GPR146: variants seen among roughly 807,000 people sequenced by gnomAD.
GPR146 encodes the protein G-protein coupled receptor 146.
For missense variants in GPR146, 381 were observed against 213.9 expected, an observed-to-expected ratio of 1.78 and a Z score of -4.87; for synonymous variants, 203 against 104.3, an observed-to-expected ratio of 1.95 and a Z score of -5.77.
chr7:1,055,029 G>C (rs1372346287), intron 1 of GPR146, among the ~76,000 whole-genome samples: 1 of 152,096 alleles, frequency 6.6e-6, no homozygotes, highest in Non-Finnish European at 1.5e-5. Context: ...ACACGTGTCT[G>C]CCTGACCTGC....
In GPR146 at chr7:1,058,641, T is replaced by G; in HGVS notation, c.*124T>G. ...GGAAGAGAAGCAGGAGGGGTGTTTT[T>G]CTTGAAGTTTCCTTTTTCCCACAAA... On this transcript the variant is annotated 3_prime_UTR_variant, in exon 2 of 2. Transcript: ENST00000444847. 1.6e-6 allele frequency: 1 copy of G among 613,636 alleles called. No individual in the cohort carries two copies. Among genetic ancestry groups the G allele is most frequent in the Non-Finnish European group, 3.0e-6 (1 of 336,794 alleles). The allele number at this position is 613,636 out of a possible 1,614,324, so 38.0% of individuals were successfully genotyped here.
At chr7:1,055,378 G>A (rs1165391454) in intron 1 of GPR146, 5 of 470,490 alleles carry the variant, frequency 1.1e-5, no homozygotes, top group Admixed American at 2.3e-5. Flanking sequence ...GCGCAGCAGC[G>A]CGCAGGTCCT....
rs200380822 is a variant in GPR146, at chr7:1,053,531, T to G, written c.-24-3961T>G. On this transcript the variant is annotated intron_variant, in intron 1 of 1. Transcript: ENST00000444847. Reference sequence around the variant, plus strand: ...GGGTGCCCCCTGCAGCTCCCAGCCTTCAAAATGTACACCTCGCTGGGCATG... The same window carrying G: ...GGGTGCCCCCTGCAGCTCCCAGCCTGCAAAATGTACACCTCGCTGGGCATG... Among the ~76,000 whole-genome samples the G allele has an allele frequency of 3.3e-5, 5 of 152,252 alleles. No homozygotes were observed. The East Asian group carries it at 9.7e-4, about 29-fold the overall frequency.
rs372273912 is a variant in GPR146, at chr7:1,058,041, C to T, written c.526C>T (p.Leu176=). The T allele has an allele frequency of 3.5e-5, 27 of 768,808 alleles. No individual in the cohort carries two copies. The highest frequency in any genetic ancestry group is 5.5e-5 in the Non-Finnish European group (23 of 417,990). 47.6% of individuals were successfully genotyped at this position (768,808 alleles called of 1,614,324 possible). A position where few individuals can be genotyped will look rare whatever the true frequency, so the allele number is the denominator to read the frequency against. Residue 176 remains leucine (L), a synonymous_variant, in exon 2 of 2, where the codon CTA becomes TTA. Transcript: ENST00000444847. ...CTGCAGCCATGTGTCCACCCGCGCG[C>T]TAGAGTGCGCCAAGATGCAGAACGC... is the stretch of plus-strand genomic sequence containing the variant. ...YICSHVSTRA[L]ECAKMQNAEA... is the part of the protein sequence containing the mutation.
chr7:1,058,169 G>T lies in GPR146; in HGVS notation c.654G>T (p.Thr218=), dbSNP rs767465966. The change falls in exon 2 of 2, where the codon ACG becomes ACT. Residue 218 remains threonine, a synonymous_variant. Transcript: ENST00000444847. ...TCTCCCGCGTCCGCAGGGAGGACAC[G>T]CCCCTGGACCGGGACACGGGCCGGC... ...VLLSRVRRED[T]PLDRDTGRLE... 6.2e-5 allele frequency: 46 copies of T among 738,392 alleles called. No homozygotes were observed. The highest frequency in any genetic ancestry group is 3.4e-4 in the Admixed American group (18 of 53,496). The allele number at this position is 738,392 out of a possible 1,614,324, so 45.7% of individuals were successfully genotyped here.
At chr7:1,045,413 C>A (rs1172124796) in intron 1 of GPR146, 2 of 152,238 alleles carry the variant, frequency 1.3e-5, no homozygotes, top group African/African-American at 4.8e-5. Context: ...CCTGTCCACA[C>A]GGAACAGCAC....
chr7:1,044,854 C>T lies in GPR146; in HGVS notation c.-25+196C>T, dbSNP rs75658292. On this transcript the variant is annotated intron_variant, in intron 1 of 1. Coordinates refer to ENST00000444847, the MANE Select transcript of GPR146 (RefSeq NM_001303473.2). ...GGACCGCTGTCCTCCGGCCGCGCTC[C>T]GAGCTGAGCCCCGGGGGCGGGCTTT... Among the ~76,000 whole-genome samples, 1,122 of 152,364 alleles carry T rather than the reference C, an allele frequency of 7.4e-3. 6 individuals carry two copies. The highest frequency in any genetic ancestry group is 0.012 in the Non-Finnish European group (800 of 68,038).
chr7:1,058,445 G>A lies in GPR146; in HGVS notation c.930G>A (p.Leu310=). 1.3e-6 allele frequency: 1 copy of A among 780,662 alleles called. No individual in the cohort carries two copies. The highest frequency in any genetic ancestry group is 1.3e-5 in the South Asian group (1 of 74,630). 48.4% of individuals were successfully genotyped at this position (780,662 alleles called of 1,614,324 possible). Residue 310 remains leucine (L), a synonymous_variant, in exon 2 of 2, where the codon CTG becomes CTA. Transcript: ENST00000444847. The stretch of plus-strand genomic sequence containing the variant: ...GCTTCCCCAGCAAGCTCCAACGGCT[G>A]ATGAAAAAGCTGCCCTGCGGGGACC... ...NQSFPSKLQR[L]MKKLPCGDRH...
intron 1 of GPR146, among the ~76,000 whole-genome samples, chr7:1,051,440 C>T (rs985468288): frequency 2.0e-5 from 3 of 152,358 alleles, no homozygotes; most frequent in Admixed American, 2.0e-4. Context: ...GTCTCCCAGG[C>T]TGGCTGTACA....
intron 1 of GPR146, among the ~76,000 whole-genome samples, chr7:1,053,072 G>T (rs376420446): frequency 4.6e-5 from 7 of 152,220 alleles, no homozygotes; most frequent in African/African-American, 9.6e-5. Context: ...CCTGCCCAGT[G>T]GGGGGAGAAG....
At position 1,057,716 on chromosome 7, in the gene GPR146, C is replaced by A; in HGVS notation, c.201C>A (p.Val67=). 1.3e-6 allele frequency: 1 copy of A among 776,144 alleles called. No homozygotes were observed. Among genetic ancestry groups the A allele is most frequent in the South Asian group, 1.3e-5 (1 of 74,416 alleles). 48.1% of individuals were successfully genotyped at this position (776,144 alleles called of 1,614,324 possible). A position where few individuals can be genotyped will look rare whatever the true frequency, so the allele number is the denominator to read the frequency against. Residue 67 remains valine, a synonymous_variant, in exon 2 of 2, where the codon GTC becomes GTA. Transcript: ENST00000444847. ...TGACCATGCCGGACGTGTACTTTGT[C>A]AACATGGCAGTGGCAGGCCTGGTGC... is the stretch of plus-strand genomic sequence containing the variant. ...ASMTMPDVYF[V]NMAVAGLVLS... is the part of the protein sequence containing the mutation.
chr7:1,055,829 C>T (rs949668929), intron 1 of GPR146, among the ~76,000 whole-genome samples: 3 of 152,132 alleles, frequency 2.0e-5, no homozygotes, highest in African/African-American at 4.8e-5. Flanking sequence ...GGGCCCTGGG[C>T]GCCCCGTGAG....
At chr7:1,046,781 A>C (rs1782621799) in intron 1 of GPR146, among the ~76,000 whole-genome samples, 1 of 152,186 alleles carries the variant, frequency 6.6e-6, no homozygotes, top group South Asian at 2.1e-4. Flanking sequence ...AAGGCCAAGG[A>C]CTTTCCCCAT....
chr7:1,056,879 T>A (rs1583600558), intron 1 of GPR146: 1 of 135,406 alleles, frequency 7.4e-6, no homozygotes, highest in Non-Finnish European at 1.6e-5. Flanking sequence ...GGGGTGGGGG[T>A]GGCGAAATTC....
In GPR146 at chr7:1,058,339, A is replaced by G. The variant is rs941376045; in HGVS notation, c.824A>G (p.His275Arg). Reference sequence around the variant, plus strand: ...GACGCACACTACCTGGGGCTACTGCACTTTGTGAAGGATTTCTCCAAACTC... The same window carrying G: ...GACGCACACTACCTGGGGCTACTGCGCTTTGTGAAGGATTTCTCCAAACTC... ...PVDAHYLGLL[H>R]FVKDFSKLLA... The change falls in exon 2 of 2, where the codon CAC becomes CGC. Residue 275 changes from histidine (H) to arginine (R), a missense_variant. His to Arg is a conservative substitution (Grantham distance 29). Transcript: ENST00000444847. The G allele has an allele frequency of 1.3e-6, 1 of 778,582 alleles. No individual in the cohort carries two copies. Among genetic ancestry groups the G allele is most frequent in the Non-Finnish European group, 2.4e-6 (1 of 418,112 alleles). 48.2% of individuals were successfully genotyped at this position (778,582 alleles called of 1,614,324 possible). A position where few individuals can be genotyped will look rare whatever the true frequency, so the allele number is the denominator to read the frequency against.
rs750411268 is a variant in GPR146 at position 1,058,170 on chromosome 7, C to T, written c.655C>T (p.Pro219Ser). ...LLSRVRREDT[P>S]LDRDTGRLEP... ...CTCCCGCGTCCGCAGGGAGGACACG[C>T]CCCTGGACCGGGACACGGGCCGGCT... Residue 219 changes from proline (P) to serine (S), a missense_variant, in exon 2 of 2, where the codon CCC becomes TCC. By Grantham distance (74) the Pro-to-Ser change is moderately conservative. Coordinates refer to ENST00000444847, the MANE Select transcript of GPR146 (RefSeq NM_001303473.2). The T allele has an allele frequency of 8.1e-6, 6 of 739,362 alleles. No homozygotes were observed. The East Asian group carries it at 1.5e-4, about 18-fold the overall frequency. 45.8% of individuals were successfully genotyped at this position (739,362 alleles called of 1,614,324 possible).
In GPR146 at chr7:1,054,385, C is replaced by T. The variant is rs892393469; in HGVS notation, c.-24-3107C>T. ...TTATAAATCCTTCAGTATTTGTCAG[C>T]TGCCAGTAAACAAAAATGCACACAG... On this transcript the variant is annotated intron_variant, in intron 1 of 1. Transcript: ENST00000444847. Among the ~76,000 whole-genome samples, 6 of 152,350 alleles carry T rather than the reference C, an allele frequency of 3.9e-5. No homozygotes were observed. In the East Asian group the frequency reaches 1.2e-3, roughly 29 times the overall value.
At chr7:1,046,732 G>T (rs1298171647) in intron 1 of GPR146, among the ~76,000 whole-genome samples, 2 of 152,202 alleles carry the variant, frequency 1.3e-5, no homozygotes, top group African/African-American at 4.8e-5. Flanking sequence ...GCAGGTGTCT[G>T]TTCATCCCCA....
intron 1 of GPR146, 24 bp from the exon 2 acceptor site, chr7:1,057,468 A>G: frequency 1.4e-6 from 1 of 712,594 alleles, no homozygotes; most frequent in Non-Finnish European, 2.6e-6. Context: ...ACGCGAGCTG[A>G]CCACCTGTTC....
Sources: gnomAD v4.1 joint callset for allele counts (sites outside exome capture counted in the v4.1 genomes callset) on GRCh38, gnomAD v4.1.1 for gene constraint, MANE v1.5 for transcripts, NCBI Gene and HGNC (gene_info 2026-07-23, HGNC 2026-07-21) for gene names.